ANKS1B: variants seen among roughly 807,000 people sequenced by gnomAD.
The protein encoded by ANKS1B is ankyrin repeat and sterile alpha motif domain-containing protein 1B.
In ANKS1B, 36 loss-of-function variants were observed where a neutral mutation model predicts 148.3. That is an observed-to-expected ratio of 0.24 (90% CI 0.19 to 0.32). The LOEUF (loss-of-function observed/expected upper bound fraction) is 0.32. Ranked by LOEUF, ANKS1B falls within the 10% of genes least tolerant of loss-of-function variation. The pLI, the probability that ANKS1B is intolerant of heterozygous loss-of-function variation, is 1.00. For synonymous variants in ANKS1B, 542 were observed against 560.8 expected, an observed-to-expected ratio of 0.97 and a Z score of 0.47; for missense variants, 1,157 against 1,542.6, an observed-to-expected ratio of 0.75 and a Z score of 4.19.
chr12:99,423,045 A>G (rs899154711), intron 11 of ANKS1B, among the ~76,000 whole-genome samples: 1 of 152,142 alleles, frequency 6.6e-6, no homozygotes, highest in African/African-American at 2.4e-5. Context: ...GTTTCTCTGG[A>G]AAGTGAGGAT....
intron 14 of ANKS1B, among the ~76,000 whole-genome samples, chr12:99,201,031 A>G (rs1318642811): frequency 6.6e-6 from 1 of 152,174 alleles, no homozygotes; most frequent in Non-Finnish European, 1.5e-5. Context: ...AGGCAGTGGG[A>G]ACAGCAGGTT....
chr12:99,143,829 C>T (rs181112572), intron 15 of ANKS1B, among the ~76,000 whole-genome samples: 26 of 152,124 alleles, frequency 1.7e-4, no homozygotes, highest in African/African-American at 6.0e-4. Context: ...CATCATCCAC[C>T]CAAGATCAAG....
chr12:98,851,436 C>T (rs145284810), intron 17 of ANKS1B, among the ~76,000 whole-genome samples: 22 of 152,002 alleles, frequency 1.4e-4, no homozygotes, highest in Non-Finnish European at 4.4e-5. Context: ...GAGGAGACAC[C>T]GTGTGCAGTC....
chr12:99,641,264 TACAA>T (rs1370773616), intron 9 of ANKS1B, among the ~76,000 whole-genome samples: 1 of 152,164 alleles, frequency 6.6e-6, no homozygotes, highest in Non-Finnish European at 1.5e-5. Context: ...ATAACAATCC[TACAA>T]ACAAACAGGA....
chr12:99,521,996 G>A (rs2096879906), intron 9 of ANKS1B, among the ~76,000 whole-genome samples: 2 of 152,162 alleles, frequency 1.3e-5, no homozygotes, highest in African/African-American at 4.8e-5. Context: ...TCCTGGGTGG[G>A]TCCAGAAATG....
intron 17 of ANKS1B, among the ~76,000 whole-genome samples, chr12:98,966,106 C>G (rs1468013368): frequency 1.3e-5 from 2 of 152,170 alleles, no homozygotes; most frequent in African/African-American, 4.8e-5. Context: ...TCAGAGTGAA[C>G]AGGCAACCTA....
intron 1 of ANKS1B, among the ~76,000 whole-genome samples, chr12:99,972,011 T>A (rs2095565290): frequency 6.6e-6 from 1 of 152,174 alleles, no homozygotes; most frequent in Admixed American, 6.5e-5. Context: ...TGTTGGTAAT[T>A]CTCACAATAT....
intron 1 of ANKS1B, among the ~76,000 whole-genome samples, chr12:99,854,168 C>A (rs1005552713): frequency 6.6e-6 from 1 of 152,098 alleles, no homozygotes; most frequent in Non-Finnish European, 1.5e-5. Context: ...CCCACCACCG[C>A]GCCCAGCTAA....
chr12:99,421,312 A>G (rs943539626), intron 11 of ANKS1B, among the ~76,000 whole-genome samples: 1 of 152,200 alleles, frequency 6.6e-6, no homozygotes, highest in Non-Finnish European at 1.5e-5. Flanking sequence ...GAAAAGAGGA[A>G]ATCAATAGGT....
chr12:99,270,857 GT>G (rs1025620845), intron 12 of ANKS1B, among the ~76,000 whole-genome samples: 1 of 152,132 alleles, frequency 6.6e-6, no homozygotes, highest in African/African-American at 2.4e-5. Context: ...TAATTTAATA[GT>G]TTTTAAAATT....
intron 11 of ANKS1B, among the ~76,000 whole-genome samples, chr12:99,415,962 C>T (rs968649798): frequency 6.6e-6 from 1 of 152,118 alleles, no homozygotes; most frequent in African/African-American, 2.4e-5. Context: ...GAATTACAGG[C>T]GTGAACCACC....
At chr12:99,407,461 C>T (rs542520500) in intron 11 of ANKS1B, among the ~76,000 whole-genome samples, 1 of 145,656 alleles carries the variant, frequency 6.9e-6, no homozygotes, top group South Asian at 2.1e-4. Context: ...TGGAACTTGA[C>T]AAGGACGCCC....
intron 17 of ANKS1B, chr12:98,949,724 A>T (rs2153068643): frequency 6.6e-6 from 1 of 152,348 alleles, no homozygotes; most frequent in East Asian, 1.9e-4. Context: ...TTTAGTCTTT[A>T]GCTATTTCTG....
At chr12:98,868,267 G>A (rs955547321) in intron 17 of ANKS1B, among the ~76,000 whole-genome samples, 3 of 150,654 alleles carry the variant, frequency 2.0e-5, no homozygotes, top group African/African-American at 4.8e-5. Flanking sequence ...TGTGGGCTGC[G>A]CATGGAACGG....
chr12:99,720,178 C>T (rs1208819792), intron 8 of ANKS1B, among the ~76,000 whole-genome samples: 1 of 152,184 alleles, frequency 6.6e-6, no homozygotes. Context: ...TATTCTACTA[C>T]CCTTCAGGGA....
At chr12:98,977,169 A>G (rs2099898070) in intron 17 of ANKS1B, among the ~76,000 whole-genome samples, 1 of 152,246 alleles carries the variant, frequency 6.6e-6, no homozygotes, top group African/African-American at 2.4e-5. Flanking sequence ...CTAAAGGCTG[A>G]GGTTGAAAGT....
intron 8 of ANKS1B, among the ~76,000 whole-genome samples, chr12:99,686,878 A>T (rs1026713273): frequency 6.6e-6 from 1 of 152,226 alleles, no homozygotes; most frequent in Admixed American, 6.5e-5. Flanking sequence ...TAAGAAGATT[A>T]AAAACAATGA....
At chr12:99,409,841 A>G (rs2094633134) in intron 11 of ANKS1B, among the ~76,000 whole-genome samples, 1 of 152,234 alleles carries the variant, frequency 6.6e-6, no homozygotes, top group Non-Finnish European at 1.5e-5. Flanking sequence ...GCCATTCAGT[A>G]TAAAAAAGAA....
intron 1 of ANKS1B, among the ~76,000 whole-genome samples, chr12:99,942,709 C>T (rs1162099215): frequency 6.6e-6 from 1 of 152,026 alleles, no homozygotes; most frequent in Non-Finnish European, 1.5e-5. Context: ...TGAATGCCCA[C>T]CATAAACTCA....
Sources: allele counts gnomAD v4.1 joint callset (sites outside exome capture counted in the v4.1 genomes callset), GRCh38; gene constraint gnomAD v4.1.1; transcripts MANE v1.5; gene names NCBI Gene and HGNC (gene_info 2026-07-23, HGNC 2026-07-21).